Variants in KSR2 observed in about 807,000 individuals in gnomAD.
KSR2 encodes kinase suppressor of ras 2.
Under a neutral mutation model 107.8 loss-of-function variants are expected in KSR2, and 25 were observed. The observed-to-expected ratio is 0.23, with a 90% confidence interval of 0.17 to 0.32. KSR2 has a LOEUF of 0.32. Among genes scored for constraint, KSR2 ranks in the 10% least tolerant of loss-of-function variants. The pLI, the probability that KSR2 is intolerant of heterozygous loss-of-function variation, is 1.00. For missense variants in KSR2, 887 were observed against 1,268.9 expected (o/e 0.70, Z 4.57); for synonymous variants, 480 against 507.0 (o/e 0.95, Z 0.71).
chr12:117,665,347 C>T (rs189413468), intron 5 of KSR2, among the ~76,000 whole-genome samples: 1 of 151,680 alleles, frequency 6.6e-6, no homozygotes, highest in Admixed American at 6.5e-5. Context: ...ATGTTTAAAT[C>T]TGTGTTTTGT....
chr12:117,626,321 T>C (rs1297673114), intron 5 of KSR2, among the ~76,000 whole-genome samples: 1 of 152,212 alleles, frequency 6.6e-6, no homozygotes, highest in Non-Finnish European at 1.5e-5. Context: ...AGATCTTTCC[T>C]GCTTTCTCTT....
chr12:117,725,014 C>T (rs917389709), intron 4 of KSR2, among the ~76,000 whole-genome samples: 2 of 151,616 alleles, frequency 1.3e-5, no homozygotes, highest in African/African-American at 4.9e-5. Context: ...TTAACAAGAA[C>T]AGGGATGCTC....
intron 4 of KSR2, among the ~76,000 whole-genome samples, chr12:117,701,377 G>A (rs1333452284): frequency 6.6e-6 from 1 of 152,180 alleles, no homozygotes; most frequent in Non-Finnish European, 1.5e-5. Flanking sequence ...ACAGGTGTGA[G>A]CCACTGCACC....
At chr12:117,534,098 T>C (rs1875855710) in intron 10 of KSR2, among the ~76,000 whole-genome samples, 1 of 151,304 alleles carries the variant, frequency 6.6e-6, no homozygotes, top group Non-Finnish European at 1.5e-5. Context: ...CCTGGGAGGC[T>C]GCAGATGAAG....
intron 3 of KSR2, among the ~76,000 whole-genome samples, chr12:117,835,261 G>A (rs1332025631): frequency 6.6e-6 from 1 of 152,280 alleles, no homozygotes; most frequent in East Asian, 1.9e-4. Flanking sequence ...CAAAACTGAT[G>A]GAAGTTTTAA....
At chr12:117,752,824 G>T (rs911671953) in intron 4 of KSR2, among the ~76,000 whole-genome samples, 2 of 152,142 alleles carry the variant, frequency 1.3e-5, no homozygotes, top group Non-Finnish European at 2.9e-5. Context: ...CTTCTGAAAA[G>T]AAGGAACAAG....
chr12:117,634,159 C>G (rs1001661087), intron 5 of KSR2, among the ~76,000 whole-genome samples: 2 of 152,140 alleles, frequency 1.3e-5, no homozygotes, highest in African/African-American at 2.4e-5. Context: ...AGTCAGCAAC[C>G]AAGGTCCAGC....
At chr12:117,826,296 T>G (rs1312302889) in intron 3 of KSR2, among the ~76,000 whole-genome samples, 7 of 152,014 alleles carry the variant, frequency 4.6e-5, no homozygotes. Context: ...CCCTCCCAGG[T>G]GCTAAAGGAC....
At chr12:117,738,179 C>A (rs935015245) in intron 4 of KSR2, among the ~76,000 whole-genome samples, 1 of 152,164 alleles carries the variant, frequency 6.6e-6, no homozygotes, top group Non-Finnish European at 1.5e-5. Flanking sequence ...CTAGCTGCAA[C>A]GGGAAGCAAT....
At chr12:117,678,388 C>T (rs1390336885) in intron 4 of KSR2, among the ~76,000 whole-genome samples, 4 of 151,292 alleles carry the variant, frequency 2.6e-5, no homozygotes, top group Admixed American at 6.6e-5. Flanking sequence ...AGCTTTGGAT[C>T]GCAGACATCT....
intron 3 of KSR2, among the ~76,000 whole-genome samples, chr12:117,817,633 T>A (rs1370880269): frequency 6.6e-6 from 1 of 152,130 alleles, no homozygotes; most frequent in Admixed American, 6.6e-5. Context: ...ATAATATTAT[T>A]AACTCTTGCT....
At chr12:117,536,060 C>T (rs1592967774) in intron 10 of KSR2, among the ~76,000 whole-genome samples, 1 of 152,134 alleles carries the variant, frequency 6.6e-6, no homozygotes, top group South Asian at 2.1e-4. Flanking sequence ...GCTGCACACG[C>T]CATTCTTGGG....
At chr12:117,783,331 T>C (rs1448763250) in intron 3 of KSR2, among the ~76,000 whole-genome samples, 1 of 152,194 alleles carries the variant, frequency 6.6e-6, no homozygotes, top group Non-Finnish European at 1.5e-5. Flanking sequence ...CTCTGCATCA[T>C]GTCAACGCAT....
intron 2 of KSR2, among the ~76,000 whole-genome samples, chr12:117,857,270 G>A (rs546044877): frequency 6.6e-6 from 1 of 152,152 alleles, no homozygotes; most frequent in Non-Finnish European, 1.5e-5. Context: ...ATGTTGCCCA[G>A]GCTGGTCTCG....
intron 5 of KSR2, among the ~76,000 whole-genome samples, chr12:117,591,480 G>C (rs918558328): frequency 3.3e-5 from 5 of 152,052 alleles, no homozygotes; most frequent in Non-Finnish European, 4.4e-5. Flanking sequence ...TGGTGGTGAC[G>C]GATGAGATAG....
At chr12:117,568,504 A>C (rs1198727440) in intron 7 of KSR2, among the ~76,000 whole-genome samples, 1 of 152,114 alleles carries the variant, frequency 6.6e-6, no homozygotes, top group Non-Finnish European at 1.5e-5. Context: ...GGGATCGTGA[A>C]TCTGAGCGAT....
chr12:117,927,673 A>T (rs374134407), intron 1 of KSR2, among the ~76,000 whole-genome samples: 1 of 152,042 alleles, frequency 6.6e-6, no homozygotes. Context: ...AACCTGGGCG[A>T]CAGAGCAAGA....
At chr12:117,717,730 T>G (rs1029259993) in intron 4 of KSR2, among the ~76,000 whole-genome samples, 1 of 150,120 alleles carries the variant, frequency 6.7e-6, no homozygotes, top group East Asian at 2.0e-4. Flanking sequence ...CGCGCGTGCA[T>G]GCACGTGTGC....
chr12:117,943,512 A>C (rs948214152), intron 1 of KSR2, among the ~76,000 whole-genome samples: 3 of 138,020 alleles, frequency 2.2e-5, no homozygotes, highest in Admixed American at 7.6e-5. Context: ...AAAAAAAAAA[A>C]AAAAAAAAAA....
Sources: gnomAD v4.1 joint callset for allele counts (sites outside exome capture counted in the v4.1 genomes callset) on GRCh38, gnomAD v4.1.1 for gene constraint, MANE v1.5 for transcripts, NCBI Gene and HGNC (gene_info 2026-07-23, HGNC 2026-07-21) for gene names.